CDH18: variants seen among roughly 807,000 people sequenced by gnomAD.
CDH18 encodes cadherin-18.
In CDH18, 31 loss-of-function variants were observed where a neutral mutation model predicts 67.9. The observed-to-expected ratio is 0.46, with a 90% confidence interval of 0.34 to 0.62. The LOEUF (loss-of-function observed/expected upper bound fraction) is 0.62. Among genes scored for constraint, CDH18 ranks in the 20% least tolerant of loss-of-function variants. CDH18 has a pLI of 0.01. For synonymous variants in CDH18, 362 were observed against 347.2 expected, an observed-to-expected ratio of 1.04 and a Z score of -0.48; for missense variants, 890 against 975.5, an observed-to-expected ratio of 0.91 and a Z score of 1.17.
chr5:19,879,808 G>A (rs1403163566), intron 2 of CDH18, among the ~76,000 whole-genome samples: 1 of 151,660 alleles, frequency 6.6e-6, no homozygotes, highest in African/African-American at 2.4e-5. Context: ...TCCTAGTTTG[G>A]GCCTAACATG....
At chr5:19,673,414 C>A (rs1407657159) in intron 5 of CDH18, among the ~76,000 whole-genome samples, 3 of 151,936 alleles carry the variant, frequency 2.0e-5, no homozygotes, top group Admixed American at 1.3e-4. Context: ...TAGTTCTAGA[C>A]TATATCCAGA....
chr5:19,966,864 A>G (rs1797490729), intron 2 of CDH18, among the ~76,000 whole-genome samples: 1 of 152,066 alleles, frequency 6.6e-6, no homozygotes, highest in South Asian at 2.1e-4. Flanking sequence ...ATTTTAAAAT[A>G]AAACATAATA....
At chr5:20,047,237 T>A (rs1003338994) in intron 2 of CDH18, among the ~76,000 whole-genome samples, 1 of 151,798 alleles carries the variant, frequency 6.6e-6, no homozygotes, top group Non-Finnish European at 1.5e-5. Flanking sequence ...GGTTTATATA[T>A]GAATGCATGC....
intron 1 of CDH18, among the ~76,000 whole-genome samples, chr5:20,417,799 A>G (rs1747445730): frequency 6.6e-6 from 1 of 152,188 alleles, no homozygotes; most frequent in Admixed American, 6.5e-5. Flanking sequence ...TACCCTTATC[A>G]AAGGATACAC....
intron 1 of CDH18, among the ~76,000 whole-genome samples, chr5:20,447,483 A>C (rs1285487519): frequency 6.6e-6 from 1 of 152,160 alleles, no homozygotes; most frequent in Non-Finnish European, 1.5e-5. Flanking sequence ...ATTCAGCAAG[A>C]AGTTGTCATC....
At position 20,078,199 on chromosome 5, in the gene CDH18, C is replaced by T. The variant is rs543421635; in HGVS notation, c.-517-86185G>A. The stretch of plus-strand genomic sequence containing the variant: ...ACTTATGGCCGGGTGTGGTGGCTTA[C>T]GCCTGTAATCCCAGCACTTTGGGAG... On this transcript the variant is annotated intron_variant, in intron 2 of 14. Coordinates refer to the CDH18 transcript ENST00000507958. Among the ~76,000 whole-genome samples, 7 of 152,170 alleles carry T rather than the reference C, an allele frequency of 4.6e-5. No individual in the cohort carries two copies. In the East Asian group the frequency reaches 9.7e-4, roughly 21 times the overall value.
intron 6 of CDH18, among the ~76,000 whole-genome samples, chr5:19,593,125 C>T (rs1745448857): frequency 6.6e-6 from 1 of 152,068 alleles, no homozygotes; most frequent in Non-Finnish European, 1.5e-5. Flanking sequence ...CTGCAATAAA[C>T]ATAGGAATGC....
chr5:19,881,726 G>A (rs1395296181), intron 2 of CDH18, among the ~76,000 whole-genome samples: 2 of 151,806 alleles, frequency 1.3e-5, no homozygotes, highest in Non-Finnish European at 2.9e-5. Context: ...GACTGGTCTC[G>A]TACTCTTGAC....
intron 2 of CDH18, among the ~76,000 whole-genome samples, chr5:20,200,250 G>A (rs1739341078): frequency 6.6e-6 from 1 of 152,168 alleles, no homozygotes; most frequent in Admixed American, 6.5e-5. Flanking sequence ...CAGACTGTGA[G>A]TACTAGTGAT....
rs183375502 is a variant in CDH18 at position 19,615,318 on chromosome 5, G to C, written c.644-2717C>G. Among the ~76,000 whole-genome samples, 27 of 152,234 alleles carry C rather than the reference G, an allele frequency of 1.8e-4. No individual in the cohort carries two copies. The East Asian group carries it at 3.7e-3, about 21-fold the overall frequency. On this transcript the variant is annotated intron_variant, in intron 5 of 12. Transcript: ENST00000382275. ...TCACTTTCTAACCTGGAACCCAGACGCATTTTCTGGGATCACTTAAAGTAC... is the reference window on the plus strand; with the variant it reads ...TCACTTTCTAACCTGGAACCCAGACCCATTTTCTGGGATCACTTAAAGTAC...
At position 20,445,876 on chromosome 5, in the gene CDH18, C is replaced by T. The variant is rs570990199; in HGVS notation, c.-580+129586G>A. On this transcript the variant is annotated intron_variant, in intron 1 of 14. Coordinates refer to the CDH18 transcript ENST00000507958. ...CAAAGTTTATTGAAGCATAGTAATA[C>T]ACTCTCAGAGGGAGAGTGGGCTGAT... is the stretch of plus-strand genomic sequence containing the variant. 5.3e-5 allele frequency among the ~76,000 whole-genome samples: 8 copies of T among 152,224 alleles called. No individual in the cohort carries two copies. In the South Asian group the frequency reaches 1.5e-3, roughly 28 times the overall value.
At chr5:20,182,597 CAAAAAAAAAAA>C (rs778083062) in intron 2 of CDH18, among the ~76,000 whole-genome samples, 1 of 47,426 alleles carries the variant, frequency 2.1e-5, no homozygotes, top group African/African-American at 7.8e-5. Context: ...AGCTAAATCT[CAAAAAAAAAAA>C]AAAAAAAAAA....
At chr5:19,808,191 C>T (rs1353649980) in intron 3 of CDH18, among the ~76,000 whole-genome samples, 1 of 151,122 alleles carries the variant, frequency 6.6e-6, no homozygotes, top group Non-Finnish European at 1.5e-5. Context: ...AATATAATGA[C>T]AAGTATGTTG....
intron 2 of CDH18, among the ~76,000 whole-genome samples, chr5:20,087,177 G>C (rs1328879255): frequency 6.6e-6 from 1 of 152,138 alleles, no homozygotes; most frequent in African/African-American, 2.4e-5. Flanking sequence ...AAGAGGGCTA[G>C]TATTAGAAGT....
At chr5:20,333,051 T>C (rs570563036) in intron 1 of CDH18, among the ~76,000 whole-genome samples, 69 of 152,122 alleles carry the variant, frequency 4.5e-4, no homozygotes, top group East Asian at 7.7e-4. Context: ...TTTTTCCTCA[T>C]CAATGTTGAG....
chr5:20,476,266 G>A (rs1404083370), intron 1 of CDH18, among the ~76,000 whole-genome samples: 1 of 151,420 alleles, frequency 6.6e-6, no homozygotes, highest in Non-Finnish European at 1.5e-5. Flanking sequence ...GTTTTGCTGA[G>A]ATGAATTATT....
intron 11 of CDH18, among the ~76,000 whole-genome samples, chr5:19,486,266 T>C (rs981359086): frequency 6.6e-6 from 1 of 150,866 alleles, no homozygotes; most frequent in Admixed American, 6.6e-5. Context: ...AGGAAGAATA[T>C]GAAAGGAAGA....
At chr5:20,095,444 A>AAAGAAAG (rs1351361955) in intron 2 of CDH18, among the ~76,000 whole-genome samples, 3 of 81,830 alleles carry the variant, frequency 3.7e-5, no homozygotes, top group Non-Finnish European at 5.3e-5. Context: ...AGAAAGAAAG[A>AAAGAAAG]AAAGAAAGAA....
In CDH18 at chr5:19,526,571, GAAT is replaced by G. The variant is rs1289159112; in HGVS notation, c.1391-5796_1391-5794del. Among the ~76,000 whole-genome samples the G allele has an allele frequency of 5.3e-5, 8 of 152,108 alleles. No individual in the cohort carries two copies. In the East Asian group the frequency reaches 1.5e-3, roughly 29 times the overall value. On this transcript the variant is annotated intron_variant, in intron 9 of 12. Transcript: ENST00000382275. ...TCCAGATTTCCCACTTATGGACATT[GAAT>G]GGAAAAAATAAATACTAATTTTTTC...
Sources: allele counts gnomAD v4.1 joint callset (sites outside exome capture counted in the v4.1 genomes callset), GRCh38; gene constraint gnomAD v4.1.1; transcripts MANE v1.5; gene names NCBI Gene and HGNC (gene_info 2026-07-23, HGNC 2026-07-21).